WWOX: variants seen among roughly 807,000 people sequenced by gnomAD.
WWOX encodes WW domain containing oxidoreductase, also known as WW domain-containing oxidoreductase.
WWOX carries 69 observed loss-of-function variants against 46.2 expected under a neutral mutation model. The ratio of observed to expected loss-of-function variants is 1.49; its 90% confidence interval spans 1.23 to 1.82. WWOX has a LOEUF of 1.82. Among genes scored for constraint, WWOX ranks in the 40% most tolerant of loss-of-function variants. WWOX has a pLI of 0.00. For synonymous variants in WWOX, 359 were observed against 202.6 expected (o/e 1.77, Z -6.56); for missense variants, 919 against 542.6 (o/e 1.69, Z -6.89).
chr16:78,223,365 G>T (rs2036952991), intron 5 of WWOX, among the ~76,000 whole-genome samples: 1 of 152,124 alleles, frequency 6.6e-6, no homozygotes, highest in Non-Finnish European at 1.5e-5. Flanking sequence ...TAGTGCTGAG[G>T]CTGAGAAACC....
At chr16:78,669,206 A>G (rs1260639984) in intron 8 of WWOX, among the ~76,000 whole-genome samples, 4 of 152,176 alleles carry the variant, frequency 2.6e-5, no homozygotes, top group African/African-American at 9.6e-5. Flanking sequence ...CTCCCTTGCT[A>G]AGAGGAGAAG....
chr16:78,686,873 T>A (rs2047873791), intron 8 of WWOX, among the ~76,000 whole-genome samples: 3 of 152,186 alleles, frequency 2.0e-5, no homozygotes. Flanking sequence ...GTTCTTCTTT[T>A]CAAAAGGCAT....
At chr16:78,872,703 C>G (rs1047044892) in intron 8 of WWOX, 3 of 152,230 alleles carry the variant, frequency 2.0e-5, no homozygotes, top group African/African-American at 7.2e-5. Flanking sequence ...CCCAACCACT[C>G]CCTGCGTTTC....
chr16:78,264,179 C>T (rs1597419584), intron 5 of WWOX, among the ~76,000 whole-genome samples: 1 of 151,762 alleles, frequency 6.6e-6, no homozygotes, highest in Admixed American at 6.6e-5. Flanking sequence ...CAGAGGGCCC[C>T]AGGGACCCAC....
At chr16:78,852,965 T>A (rs12448376) in intron 8 of WWOX, among the ~76,000 whole-genome samples, 34,897 of 152,138 alleles carry the variant, frequency 0.23, 4,622 homozygotes, top group South Asian at 0.35. Flanking sequence ...TCAGATGAAC[T>A]GCAATTTATA....
chr16:78,222,272 G>T (rs549581413), intron 5 of WWOX, among the ~76,000 whole-genome samples: 1 of 151,058 alleles, frequency 6.6e-6, no homozygotes, highest in Non-Finnish European at 1.5e-5. Context: ...TTTCCAACGC[G>T]TATTTCTTCA....
intron 5 of WWOX, among the ~76,000 whole-genome samples, chr16:78,276,198 T>C (rs1177625392): frequency 6.6e-6 from 1 of 152,176 alleles, no homozygotes; most frequent in Non-Finnish European, 1.5e-5. Flanking sequence ...CTGGCTAACC[T>C]CCTTCCTTTG....
At chr16:78,668,044 C>T (rs904754032) in intron 8 of WWOX, among the ~76,000 whole-genome samples, 11 of 152,082 alleles carry the variant, frequency 7.2e-5, no homozygotes, top group African/African-American at 2.2e-4. Flanking sequence ...TTTGAGAGGC[C>T]GAGGCGGGTG....
At chr16:79,051,315 A>T (rs373865474) in intron 8 of WWOX, among the ~76,000 whole-genome samples, 4 of 152,222 alleles carry the variant, frequency 2.6e-5, no homozygotes, top group Non-Finnish European at 4.4e-5. Flanking sequence ...TAAGTGTGCA[A>T]TGCTTTAAAT....
Position 79,049,250 on chromosome 16 carries a change from T to A in WWOX, c.1057-162358T>A, listed in dbSNP as rs574723871. Reference sequence around the variant, plus strand: ...GTGGCTGTGTGCCAATTAAACTTTATTTACAAAAACAAGAGGAGGGCCAGA... The same window carrying A: ...GTGGCTGTGTGCCAATTAAACTTTAATTACAAAAACAAGAGGAGGGCCAGA... On this transcript the variant is annotated intron_variant, in intron 8 of 8. Transcript: ENST00000566780. 1.1e-3 allele frequency among the ~76,000 whole-genome samples: 169 copies of A among 152,334 alleles called. 1 individual carries two copies. Among genetic ancestry groups the A allele is most frequent in the South Asian group, 2.3e-3 (11 of 4,822 alleles).
chr16:78,600,335 A>C (rs1357455690), intron 8 of WWOX, among the ~76,000 whole-genome samples: 1 of 152,112 alleles, frequency 6.6e-6, no homozygotes, highest in Non-Finnish European at 1.5e-5. Flanking sequence ...GACCAAGTAG[A>C]GACTCAGCAT....
intron 5 of WWOX, among the ~76,000 whole-genome samples, chr16:78,166,103 A>G (rs1177262393): frequency 5.3e-5 from 8 of 152,200 alleles, no homozygotes; most frequent in Admixed American, 3.9e-4. Context: ...GATAAACATT[A>G]TGTATTCTTC....
chr16:78,547,149 A>AAAC (rs1567635740), intron 8 of WWOX, among the ~76,000 whole-genome samples: 18 of 105,100 alleles, frequency 1.7e-4, no homozygotes, highest in Non-Finnish European at 3.4e-4. Flanking sequence ...AAAAAAAAAA[A>AAAC]AAAAAAAAAA....
chr16:78,815,807 T>C (rs2051314489), intron 8 of WWOX, among the ~76,000 whole-genome samples: 1 of 152,188 alleles, frequency 6.6e-6, no homozygotes, highest in African/African-American at 2.4e-5. Context: ...GTGACCCTCC[T>C]CTTGCTGCTT....
chr16:78,453,767 C>G (rs1040170632), intron 8 of WWOX, among the ~76,000 whole-genome samples: 1 of 152,058 alleles, frequency 6.6e-6, no homozygotes, highest in Non-Finnish European at 1.5e-5. Flanking sequence ...ATACTTAGAT[C>G]CAGTTTTTAA....
In WWOX at chr16:78,400,350, C is replaced by T. The variant is rs543134218; in HGVS notation, c.605+13402C>T. 7.9e-4 allele frequency among the ~76,000 whole-genome samples: 120 copies of T among 152,268 alleles called. No individual in the cohort carries two copies. The Middle Eastern group carries it at 0.031, about 39-fold the overall frequency. ...TAATAGAAAAGCAGTGCCTCGATTT[C>T]CCACCTCAGATCTGAAAACTCCTGA... On this transcript the variant is annotated intron_variant, in intron 6 of 8. Coordinates refer to ENST00000566780, the MANE Select transcript of WWOX (RefSeq NM_016373.4).
intron 8 of WWOX, among the ~76,000 whole-genome samples, chr16:79,210,243 CAAT>C (rs1005772425): frequency 1.3e-4 from 20 of 152,302 alleles, no homozygotes; most frequent in Admixed American, 1.0e-3. Flanking sequence ...AACCAAACAA[CAAT>C]GACAACAACA....
intron 8 of WWOX, among the ~76,000 whole-genome samples, chr16:79,092,357 G>C (rs979212307): frequency 5.3e-5 from 8 of 152,176 alleles, no homozygotes; most frequent in Non-Finnish European, 1.0e-4. Flanking sequence ...GCAGTAAAAT[G>C]GCAGCCGCCT....
chr16:78,813,496 T>G (rs2051250342), intron 8 of WWOX, among the ~76,000 whole-genome samples: 1 of 152,140 alleles, frequency 6.6e-6, no homozygotes, highest in African/African-American at 2.4e-5. Context: ...TTTGTCCTGG[T>G]TAGAGAGATA....
Sources: gnomAD v4.1 joint callset for allele counts (sites outside exome capture counted in the v4.1 genomes callset) on GRCh38, gnomAD v4.1.1 for gene constraint, MANE v1.5 for transcripts, NCBI Gene and HGNC (gene_info 2026-07-23, HGNC 2026-07-21) for gene names.